FYN: variants seen among roughly 807,000 people sequenced by gnomAD.
The protein encoded by FYN is FYN proto-oncogene, Src family tyrosine kinase, also known as tyrosine-protein kinase Fyn.
In FYN, 10 loss-of-function variants were observed where a neutral mutation model predicts 70.2. The observed-to-expected ratio is 0.14, with a 90% CI of 0.09 to 0.24. The LOEUF (loss-of-function observed/expected upper bound fraction) is 0.24. Among genes scored for constraint, FYN ranks in the 10% least tolerant of loss-of-function variants. The pLI is 1.00. For missense variants in FYN, 319 were observed against 673.1 expected (o/e 0.47, Z 5.82); for synonymous variants, 236 against 248.6 (o/e 0.95, Z 0.48).
intron 13 of FYN, among the ~76,000 whole-genome samples, chr6:111,669,913 G>A (rs1014372667): frequency 6.6e-6 from 1 of 151,922 alleles, no homozygotes; most frequent in African/African-American, 2.4e-5. Context: ...TAGGTGTCAT[G>A]GAGGCAAGCA....
rs763478442 is a variant in FYN, at chr6:111,661,696, G to A, written c.*43C>T. On this transcript the variant is annotated 3_prime_UTR_variant, in exon 14 of 14. Coordinates refer to ENST00000354650, the MANE Select transcript of FYN (RefSeq NM_002037.5). This position sits in a 1 kb window ranked among gnomAD's most constrained non-coding sequence, Gnocchi z 4.0. ...GAATTGAAAGCTAATGGGGAGGGGT[G>A]GGGCAGCCTCTGGGACAAGGCCTCT... 1.3e-6 allele frequency: 2 copies of A among 1,564,400 alleles called. No individual in the cohort carries two copies. The highest frequency in any genetic ancestry group is 2.3e-5 in the South Asian group (2 of 86,676).
Position 111,703,236 on chromosome 6 carries a change from T to A in FYN, c.548-202A>T, listed in dbSNP as rs570971797. 5.9e-5 allele frequency among the ~76,000 whole-genome samples: 9 copies of A among 152,330 alleles called. 1 individual carries two copies. The highest frequency in any genetic ancestry group is 5.9e-4 in the Admixed American group (9 of 15,298). The stretch of plus-strand genomic sequence containing the variant: ...CAGAATATATTAGCAATAAAATGAT[T>A]CTGCCCTTGAGACTGAAAGCTTCCT... On this transcript the variant is annotated intron_variant, in intron 7 of 13. Transcript: ENST00000354650.
At position 111,694,396 on chromosome 6, in the gene FYN, T is replaced by C. The variant is rs1799483475; in HGVS notation, c.1252A>G (p.Asn418Asp). 6.2e-7 allele frequency: 1 copy of C among 1,614,230 alleles called. No homozygotes were observed. Residue 418 changes from asparagine to aspartate, a missense_variant, in exon 12 of 14, where the codon AAT (asparagine) becomes GAT (aspartate). This residue lies in a region of FYN where 64 missense variants were observed against 223.0 expected (regional missense o/e 0.29). Coordinates refer to ENST00000354650, the MANE Select transcript of FYN (RefSeq NM_002037.5). The surrounding 1 kb of genome is among the most constrained non-coding windows in gnomAD (Gnocchi z 5.0). Reference sequence around the variant, plus strand: ...CCACCTTGTCTTGCTGTGTACTCATTGTCTTCTATCAATCGGGCCAATCCG... The same window carrying C: ...CCACCTTGTCTTGCTGTGTACTCATCGTCTTCTATCAATCGGGCCAATCCG... ...DFGLARLIED[N>D]EYTARQGAKF...
intron 2 of FYN, among the ~76,000 whole-genome samples, chr6:111,832,366 T>A (rs1456617381): frequency 6.6e-6 from 1 of 152,230 alleles, no homozygotes; most frequent in Non-Finnish European, 1.5e-5. Context: ...GAAATGCAAT[T>A]GATTTGTCTA....
In FYN at chr6:111,700,273, T is replaced by C; in HGVS notation, c.698-5A>G. On this transcript the variant is annotated splice_region_variant and splice_polypyrimidine_tract_variant and intron_variant, in intron 8 of 13. Coordinates refer to ENST00000354650, the MANE Select transcript of FYN (RefSeq NM_002037.5). The stretch of plus-strand genomic sequence containing the variant: ...AGCAGAGACCTGCAGCTCTCTCTGA[T>C]GGAGCAGGGCAGGGGCAGGAGAGGG... 3.7e-6 allele frequency: 6 copies of C among 1,613,992 alleles called. No homozygotes were observed. Among genetic ancestry groups the C allele is most frequent in the Middle Eastern group, 1.7e-4 (1 of 6,060 alleles).
chr6:111,685,624 A>G (rs706863), intron 12 of FYN, among the ~76,000 whole-genome samples: 109,932 of 152,174 alleles, frequency 0.72, 41,252 homozygotes, highest in African/African-American at 0.91. Flanking sequence ...TTGCCAGCAA[A>G]GCAAGACAAG....
At chr6:111,809,545 TA>T (rs1404336832) in intron 2 of FYN, among the ~76,000 whole-genome samples, 13 of 152,286 alleles carry the variant, frequency 8.5e-5, no homozygotes, top group African/African-American at 3.1e-4. Flanking sequence ...TAGGTGGCAC[TA>T]ACATCAAACC....
Position 111,661,993 on chromosome 6 carries a change from C to A in FYN, c.1406-46G>T, listed in dbSNP as rs967886321. The A allele has an allele frequency of 1.3e-6, 2 of 1,484,522 alleles. No individual in the cohort carries two copies. Among genetic ancestry groups the A allele is most frequent in the African/African-American group, 2.8e-5 (2 of 71,728 alleles). The allele number at this position is 1,484,522 out of a possible 1,614,324, so 92.0% of individuals were successfully genotyped here. On this transcript the variant is annotated intron_variant, in intron 13 of 13. Coordinates refer to ENST00000354650, the MANE Select transcript of FYN (RefSeq NM_002037.5). This position sits in a 1 kb window ranked among gnomAD's most constrained non-coding sequence, Gnocchi z 4.0. ...AGAGTGGGCACCCCGGGGATCCAGG[C>A]CCTGACCGCCGCACTTGCAGATCCC... is the stretch of plus-strand genomic sequence containing the variant.
intron 2 of FYN, among the ~76,000 whole-genome samples, chr6:111,797,182 T>C (rs1562525118): frequency 6.6e-6 from 1 of 152,156 alleles, no homozygotes; most frequent in Non-Finnish European, 1.5e-5. Context: ...AAGAAATAAA[T>C]GTTTAACTGA....
At chr6:111,727,536 T>C (rs1053429143) in intron 3 of FYN, among the ~76,000 whole-genome samples, 7 of 152,170 alleles carry the variant, frequency 4.6e-5, no homozygotes, top group Non-Finnish European at 8.8e-5. Flanking sequence ...TATTAAAATA[T>C]TACAGTCTCT....
chr6:111,718,744 C>A (rs1800789911), intron 4 of FYN, among the ~76,000 whole-genome samples: 1 of 152,138 alleles, frequency 6.6e-6, no homozygotes, highest in African/African-American at 2.4e-5. Flanking sequence ...CGTATTCAAC[C>A]CATGCAAGGC....
chr6:111,766,967 T>C (rs1803249044), intron 3 of FYN, among the ~76,000 whole-genome samples: 1 of 152,220 alleles, frequency 6.6e-6, no homozygotes, highest in Non-Finnish European at 1.5e-5. Context: ...AAGTAACCAA[T>C]GATCATAATT....
At chr6:111,708,581 G>A (rs1299701023) in intron 5 of FYN, among the ~76,000 whole-genome samples, 2 of 152,166 alleles carry the variant, frequency 1.3e-5, no homozygotes, top group East Asian at 3.9e-4. Flanking sequence ...CTCTCAAAAA[G>A]ATGGGGAGAC....
intron 13 of FYN, among the ~76,000 whole-genome samples, chr6:111,672,237 T>C (rs929651551): frequency 6.6e-6 from 1 of 152,228 alleles, no homozygotes; most frequent in East Asian, 1.9e-4. Context: ...TCCCGCCTTC[T>C]GGGCTTGAGG....
At chr6:111,782,342 G>A (rs1771206660) in intron 2 of FYN, among the ~76,000 whole-genome samples, 1 of 152,132 alleles carries the variant, frequency 6.6e-6, no homozygotes, top group African/African-American at 2.4e-5. Flanking sequence ...CGCTCATCAG[G>A]ACTGCTGAGT....
At chr6:111,777,556 C>T (rs1399326258) in intron 3 of FYN, among the ~76,000 whole-genome samples, 2 of 152,046 alleles carry the variant, frequency 1.3e-5, no homozygotes, top group African/African-American at 4.8e-5. Context: ...CACTAGATGC[C>T]ACTAGCACAC....
Position 111,717,285 on chromosome 6 carries a change from T to C in FYN, c.247+2520A>G, listed in dbSNP as rs554242404. On this transcript the variant is annotated intron_variant, in intron 4 of 13. Coordinates refer to ENST00000354650, the MANE Select transcript of FYN (RefSeq NM_002037.5). ...TAAGAACCTCTGAATAAAAAACATC[T>C]GAAATTGAAAAAAAAAAGAAATTAA... is the stretch of plus-strand genomic sequence containing the variant. Among the ~76,000 whole-genome samples, 5 of 152,148 alleles carry C rather than the reference T, an allele frequency of 3.3e-5. No homozygotes were observed. In the East Asian group the frequency reaches 9.6e-4, roughly 29 times the overall value.
chr6:111,704,546 G>A (rs1412218765), intron 6 of FYN, among the ~76,000 whole-genome samples: 3 of 152,002 alleles, frequency 2.0e-5, no homozygotes, highest in Non-Finnish European at 4.4e-5. Flanking sequence ...CTGAGGTCAG[G>A]AGTTTGAGAT....
At chr6:111,739,131 G>A (rs867997503) in intron 3 of FYN, among the ~76,000 whole-genome samples, 3 of 152,254 alleles carry the variant, frequency 2.0e-5, no homozygotes, top group Middle Eastern at 6.8e-3. Context: ...TGTTGCTATC[G>A]TTCTTTTAGG....
Sources: allele counts gnomAD v4.1 joint callset (sites outside exome capture counted in the v4.1 genomes callset), GRCh38; gene constraint gnomAD v4.1.1; regional missense constraint gnomAD v4.1.1; non-coding constraint Gnocchi (gnomAD v3.1); transcripts MANE v1.5; gene names NCBI Gene and HGNC (gene_info 2026-07-23, HGNC 2026-07-21).